Variants in ASTN2 observed in about 807,000 individuals in gnomAD.
ASTN2 encodes astrotactin-2.
ASTN2 carries 54 observed loss-of-function variants against 139.8 expected under a neutral mutation model. The observed-to-expected ratio is 0.39, with a 90% confidence interval of 0.31 to 0.48. ASTN2 has a LOEUF of 0.48. Among genes scored for constraint, ASTN2 ranks in the 20% least tolerant of loss-of-function variants. ASTN2 has a pLI of 0.95. For synonymous variants in ASTN2, 756 were observed against 719.5 expected (o/e 1.05, Z -0.81); for missense variants, 1,565 against 1,725.1 (o/e 0.91, Z 1.64).
chr9:116,809,844 A>G (rs781087482), intron 12 of ASTN2, among the ~76,000 whole-genome samples: 62 of 152,154 alleles, frequency 4.1e-4, no homozygotes, highest in Admixed American at 1.3e-4. Flanking sequence ...CTGGACTTAC[A>G]TGTCTAAGCC....
intron 10 of ASTN2, among the ~76,000 whole-genome samples, chr9:116,927,688 T>C (rs1331223019): frequency 6.6e-6 from 1 of 152,174 alleles, no homozygotes; most frequent in Non-Finnish European, 1.5e-5. Context: ...CAAACTCTCA[T>C]GTGCCTGAGC....
At chr9:116,853,879 A>G (rs1328887359) in intron 11 of ASTN2, among the ~76,000 whole-genome samples, 2 of 152,222 alleles carry the variant, frequency 1.3e-5, no homozygotes, top group Non-Finnish European at 2.9e-5. Flanking sequence ...GCTTCTGCCC[A>G]AAGGTGCTCA....
At chr9:116,768,728 C>A (rs1412767709) in intron 13 of ASTN2, among the ~76,000 whole-genome samples, 2 of 152,162 alleles carry the variant, frequency 1.3e-5, no homozygotes, top group Non-Finnish European at 2.9e-5. Context: ...AGCAAGAAGG[C>A]ACTGTCTGTG....
At chr9:116,451,082 G>T (rs1848159476) in intron 20 of ASTN2, among the ~76,000 whole-genome samples, 1 of 152,132 alleles carries the variant, frequency 6.6e-6, no homozygotes, top group Admixed American at 6.5e-5. Context: ...TGGGGAGCTG[G>T]CAGGGAGAGC....
chr9:117,067,359 G>T (rs1238089802), intron 5 of ASTN2, among the ~76,000 whole-genome samples: 1 of 133,934 alleles, frequency 7.5e-6, no homozygotes, highest in Non-Finnish European at 1.7e-5. Context: ...CTGTTCCATT[G>T]ATCTATATCT....
At position 116,510,010 on chromosome 9, in the gene ASTN2, A is replaced by T. The variant is rs10983202; in HGVS notation, c.3356-22510T>A. Among the ~76,000 whole-genome samples the T allele has an allele frequency of 6.9e-4, 105 of 152,256 alleles. No homozygotes were observed. The East Asian group carries it at 0.02, about 29-fold the overall frequency. On this transcript the variant is annotated intron_variant, in intron 19 of 22. Coordinates refer to ENST00000313400, the MANE Select transcript of ASTN2 (RefSeq NM_001365068.1). ...TGCTGTGCAGAAGCTCTTTAATTTA[A>T]TTAGATCCCATTTGTCATTTTTGGC...
intron 13 of ASTN2, among the ~76,000 whole-genome samples, chr9:116,802,092 T>C (rs1458333876): frequency 1.4e-3 from 131 of 92,510 alleles, no homozygotes; most frequent in East Asian, 9.6e-3. Flanking sequence ...TCTTTTTTTT[T>C]TTTTTTTTTT....
At chr9:117,244,383 A>G (rs1178129517) in intron 2 of ASTN2, among the ~76,000 whole-genome samples, 3 of 152,128 alleles carry the variant, frequency 2.0e-5, no homozygotes, top group Non-Finnish European at 2.9e-5. Context: ...CAACTGCCTC[A>G]TCTGGGAGGT....
At chr9:116,936,010 T>A (rs62562581) in intron 10 of ASTN2, among the ~76,000 whole-genome samples, 58,213 of 95,568 alleles carry the variant, frequency 0.61, 14,621 homozygotes, top group Admixed American at 0.68. Context: ...TTGATCCCAC[T>A]GCATTCTGGC....
chr9:117,067,486 G>A (rs1321150278), intron 5 of ASTN2, among the ~76,000 whole-genome samples: 13 of 113,606 alleles, frequency 1.1e-4, no homozygotes, highest in African/African-American at 4.1e-4. Context: ...ACTTGGCGAT[G>A]CGGGCTCTTT....
intron 11 of ASTN2, among the ~76,000 whole-genome samples, chr9:116,822,522 G>T (rs10759863): frequency 0.79 from 120,642 of 151,988 alleles, 48,077 homozygotes; most frequent in East Asian, 0.92. Context: ...GAGTACTGGG[G>T]CCTGGCTTCA....
At chr9:116,461,777 T>C (rs1010619783) in intron 20 of ASTN2, among the ~76,000 whole-genome samples, 97 of 152,288 alleles carry the variant, frequency 6.4e-4, no homozygotes, top group African/African-American at 2.3e-3. Context: ...GTATGTCCAG[T>C]GAGTGACGAT....
At chr9:116,814,174 G>A (rs10983359) in intron 12 of ASTN2, among the ~76,000 whole-genome samples, 1,530 of 152,202 alleles carry the variant, frequency 0.01, 20 homozygotes, top group East Asian at 0.035. Flanking sequence ...AAAGGAACAG[G>A]TTCCTTCCCA....
At chr9:117,259,099 A>G (rs1479900902) in intron 2 of ASTN2, among the ~76,000 whole-genome samples, 1 of 152,036 alleles carries the variant, frequency 6.6e-6, no homozygotes, top group Non-Finnish European at 1.5e-5. Flanking sequence ...CCCTCCCAGT[A>G]CCTCTGAGAG....
chr9:117,071,673 C>T (rs1173991914), intron 5 of ASTN2, among the ~76,000 whole-genome samples: 2 of 149,124 alleles, frequency 1.3e-5, no homozygotes, highest in Non-Finnish European at 1.5e-5. Flanking sequence ...ATTCCGTGGG[C>T]GTAGGACCCT....
chr9:116,609,902 A>G (rs1443106699), intron 19 of ASTN2, among the ~76,000 whole-genome samples: 2 of 152,142 alleles, frequency 1.3e-5, no homozygotes, highest in Non-Finnish European at 2.9e-5. Context: ...GGTAACTGTG[A>G]TATGTTAGAT....
intron 7 of ASTN2, among the ~76,000 whole-genome samples, chr9:117,006,218 G>T (rs1286359317): frequency 6.6e-6 from 1 of 152,028 alleles, no homozygotes; most frequent in African/African-American, 2.4e-5. Context: ...CCCCAATTTA[G>T]CAGGGGGCTC....
intron 11 of ASTN2, among the ~76,000 whole-genome samples, chr9:116,835,781 A>G (rs1831969952): frequency 1.3e-5 from 2 of 152,078 alleles, no homozygotes; most frequent in Non-Finnish European, 2.9e-5. Flanking sequence ...GGCTCTTCTC[A>G]TTGACATGTA....
intron 16 of ASTN2, among the ~76,000 whole-genome samples, chr9:116,673,098 C>T (rs1859295893): frequency 6.6e-6 from 1 of 152,214 alleles, no homozygotes; most frequent in Non-Finnish European, 1.5e-5. Context: ...TCATCCTCTT[C>T]ATTTACATAG....
Sources: allele counts gnomAD v4.1 joint callset (sites outside exome capture counted in the v4.1 genomes callset), GRCh38; gene constraint gnomAD v4.1.1; transcripts MANE v1.5; gene names NCBI Gene and HGNC (gene_info 2026-07-23, HGNC 2026-07-21).